Variants in PREP observed in about 807,000 individuals in gnomAD.
PREP encodes dJ355L5.1 (prolyl endopeptidase).
Under a neutral mutation model 87.6 loss-of-function variants are expected in PREP, and 29 were observed. That is an observed-to-expected ratio of 0.33 (90% CI 0.25 to 0.45). PREP has a LOEUF of 0.45. PREP is among the 20% of genes least tolerant of loss of function. The probability of loss-of-function intolerance (pLI) is 1.00; values close to 1 mark genes in which losing one functional copy is unlikely to be tolerated. For synonymous variants in PREP, 337 were observed against 328.6 expected, an observed-to-expected ratio of 1.03 and a Z score of -0.28; for missense variants, 695 against 886.5, an observed-to-expected ratio of 0.78 and a Z score of 2.74.
intron 7 of PREP, among the ~76,000 whole-genome samples, chr6:105,349,290 C>T (rs1261803059): frequency 6.6e-6 from 1 of 152,154 alleles, no homozygotes; most frequent in African/African-American, 2.4e-5. Context: ...AGGCAGAGAA[C>T]AACAGAGACA....
chr6:105,328,327 G>A (rs7774491), intron 9 of PREP, among the ~76,000 whole-genome samples: 4,715 of 151,306 alleles, frequency 0.031, 241 homozygotes, highest in African/African-American at 0.099. Flanking sequence ...GCGCGATCTC[G>A]GCTCACTGCA....
rs184993079 is a variant in PREP, at chr6:105,402,430, A to G, written c.45+417T>C. Among the ~76,000 whole-genome samples, 28 of 151,170 alleles carry G rather than the reference A, an allele frequency of 1.9e-4. No homozygotes were observed. The East Asian group carries it at 5.3e-3, about 28-fold the overall frequency. On this transcript the variant is annotated intron_variant, in intron 1 of 14. Coordinates refer to ENST00000652536, the MANE Select transcript of PREP (RefSeq NM_002726.5). Reference sequence around the variant, plus strand: ...TTTAAATGTGACATCACACACACACACACACACACACACACACAAACACAC... The same window carrying G: ...TTTAAATGTGACATCACACACACACGCACACACACACACACACAAACACAC...
At chr6:105,313,458 G>C (rs186592270) in intron 10 of PREP, among the ~76,000 whole-genome samples, 1 of 152,158 alleles carries the variant, frequency 6.6e-6, no homozygotes, top group Non-Finnish European at 1.5e-5. Context: ...ATGTTGCCCC[G>C]GGGGTTTAAG....
chr6:105,338,622 T>G (rs6571229), intron 7 of PREP, among the ~76,000 whole-genome samples: 43,977 of 152,080 alleles, frequency 0.29, 7,789 homozygotes, highest in African/African-American at 0.51. Flanking sequence ...AGGGGTCGGG[T>G]AATTCCCTTT....
At chr6:105,324,908 A>G (rs1253739143) in intron 9 of PREP, among the ~76,000 whole-genome samples, 2 of 152,238 alleles carry the variant, frequency 1.3e-5, no homozygotes, top group African/African-American at 4.8e-5. Flanking sequence ...TAAGGTTACC[A>G]TAACAGGGTA....
intron 2 of PREP, among the ~76,000 whole-genome samples, chr6:105,395,255 A>G (rs1274185725): frequency 2.0e-5 from 3 of 152,224 alleles, no homozygotes; most frequent in African/African-American, 4.8e-5. Flanking sequence ...GCACATGGCA[A>G]GCACAGACAT....
At chr6:105,321,504 T>C (rs1381533570) in intron 10 of PREP, among the ~76,000 whole-genome samples, 1 of 152,244 alleles carries the variant, frequency 6.6e-6, no homozygotes, top group Admixed American at 6.5e-5. Context: ...TAGGTTTGTA[T>C]TCCACAGAAG....
chr6:105,337,113 G>A (rs779239278), intron 7 of PREP, among the ~76,000 whole-genome samples: 1 of 152,008 alleles, frequency 6.6e-6, no homozygotes, highest in Admixed American at 6.5e-5. Flanking sequence ...TATATTTACC[G>A]TATTCGTTTT....
chr6:105,284,298 T>C lies in PREP; in HGVS notation c.1549+1188A>G, dbSNP rs117029307. Among the ~76,000 whole-genome samples the C allele has an allele frequency of 1.7e-3, 257 of 152,278 alleles. 3 individuals carry two copies. The East Asian group carries it at 0.045, about 27-fold the overall frequency. ...TTCACTAAGGTGCACTTGAGGAGTCTGCTGTCAGCCCCTGGGGTGCATGCT... is the reference window on the plus strand; with the variant it reads ...TTCACTAAGGTGCACTTGAGGAGTCCGCTGTCAGCCCCTGGGGTGCATGCT... On this transcript the variant is annotated intron_variant, in intron 12 of 14. Transcript: ENST00000652536.
At chr6:105,389,437 C>T (rs1032139689) in intron 2 of PREP, among the ~76,000 whole-genome samples, 10 of 152,196 alleles carry the variant, frequency 6.6e-5, no homozygotes, top group African/African-American at 2.4e-4. Context: ...ACAGAAGCAA[C>T]ATCGGAAATG....
intron 12 of PREP, among the ~76,000 whole-genome samples, chr6:105,283,451 G>A (rs1481112645): frequency 2.0e-5 from 3 of 152,188 alleles, no homozygotes; most frequent in Non-Finnish European, 4.4e-5. Flanking sequence ...AGATACTTGA[G>A]ATTAACCACT....
At chr6:105,338,316 T>C (rs1447203458) in intron 7 of PREP, among the ~76,000 whole-genome samples, 1 of 152,210 alleles carries the variant, frequency 6.6e-6, no homozygotes, top group African/African-American at 2.4e-5. Context: ...GTCACTAAAG[T>C]ATGCACCAAA....
At chr6:105,366,647 ACAG>A in intron 6 of PREP, among the ~76,000 whole-genome samples, 1 of 152,354 alleles carries the variant, frequency 6.6e-6, no homozygotes, top group East Asian at 1.9e-4. Context: ...CTAGCTGCTC[ACAG>A]CAGCATTACT....
intron 10 of PREP, among the ~76,000 whole-genome samples, chr6:105,299,243 T>C (rs1363707510): frequency 2.6e-5 from 4 of 152,230 alleles, no homozygotes; most frequent in Non-Finnish European, 5.9e-5. Context: ...CTCCAGGCTG[T>C]CATCCAGCTA....
chr6:105,393,650 G>GA (rs1034876141), intron 2 of PREP, among the ~76,000 whole-genome samples: 15 of 150,796 alleles, frequency 9.9e-5, no homozygotes, highest in African/African-American at 2.9e-4. Context: ...CCACATTAAG[G>GA]AAAAAAAAAT....
rs72938040 is a variant in PREP, at chr6:105,274,051, A to C, written c.*4093T>G. On this transcript the variant is annotated 3_prime_UTR_variant, in exon 15 of 15. Coordinates refer to ENST00000652536, the MANE Select transcript of PREP (RefSeq NM_002726.5). Reference sequence around the variant, plus strand: ...CTCTTTTTATTCCTGTTTCTTGTTAATTCCTGAAATTATACTTTGTTTATT... The same window carrying C: ...CTCTTTTTATTCCTGTTTCTTGTTACTTCCTGAAATTATACTTTGTTTATT... 1.3e-5 allele frequency among the ~76,000 whole-genome samples: 2 copies of C among 152,188 alleles called. No individual in the cohort carries two copies. The highest frequency in any genetic ancestry group is 2.9e-5 in the Non-Finnish European group (2 of 68,012).
chr6:105,314,860 T>C (rs1228610624), intron 10 of PREP, among the ~76,000 whole-genome samples: 1 of 152,224 alleles, frequency 6.6e-6, no homozygotes, highest in Non-Finnish European at 1.5e-5. Flanking sequence ...CATCCATTTG[T>C]AAGGCAACTA....
intron 3 of PREP, 128 bp downstream of exon 3, chr6:105,377,258 G>T: frequency 2.8e-6 from 3 of 1,064,880 alleles, no homozygotes; most frequent in South Asian, 3.4e-5. Context: ...TCATATTCAG[G>T]CATAGAAATT....
At position 105,329,091 on chromosome 6, in the gene PREP, G is replaced by C. The variant is rs991545135; in HGVS notation, c.1016-65C>G. 5.6e-6 allele frequency: 8 copies of C among 1,422,404 alleles called. No homozygotes were observed. In the African/African-American group the frequency reaches 1.1e-4, roughly 20 times the overall value. 88.1% of individuals were successfully genotyped at this position (1,422,404 alleles called of 1,614,324 possible). Reference sequence around the variant, plus strand: ...AAAATTAATGAAAACACATTTAATTGAGCAACAGTTCCAGAGCTACACATA... The same window carrying C: ...AAAATTAATGAAAACACATTTAATTCAGCAACAGTTCCAGAGCTACACATA... On this transcript the variant is annotated intron_variant, in intron 8 of 14. Transcript: ENST00000652536.
Sources: allele counts gnomAD v4.1 joint callset (sites outside exome capture counted in the v4.1 genomes callset), GRCh38; gene constraint gnomAD v4.1.1; transcripts MANE v1.5; gene names NCBI Gene and HGNC (gene_info 2026-07-23, HGNC 2026-07-21).